Variants in LRRC4B observed in about 807,000 individuals in gnomAD.
LRRC4B encodes the protein leucine rich repeat containing 4B.
LRRC4B carries 1 observed loss-of-function variant against 7.3 expected under a neutral mutation model. The ratio of observed to expected loss-of-function variants is 0.14; its 90% CI spans 0.05 to 0.65. The LOEUF (loss-of-function observed/expected upper bound fraction) is 0.65, where lower values mean the gene tolerates loss of function less well. Ranked by LOEUF, LRRC4B falls within the 30% of genes least tolerant of loss-of-function variation. LRRC4B has a pLI of 0.84. For synonymous variants in LRRC4B, 500 were observed against 499.2 expected, an observed-to-expected ratio of 1.00 and a Z score of -0.02; for missense variants, 730 against 1,041.6, an observed-to-expected ratio of 0.70 and a Z score of 4.12.
chr19:50,562,810 G>A (rs371918883), intron 1 of LRRC4B, among the ~76,000 whole-genome samples: 9 of 148,798 alleles, frequency 6.0e-5, no homozygotes, highest in South Asian at 4.2e-4. Context: ...GCATGATCTC[G>A]GCTCACTGCA....
intron 1 of LRRC4B, among the ~76,000 whole-genome samples, chr19:50,564,375 G>A (rs984209030): frequency 6.6e-6 from 1 of 152,126 alleles, no homozygotes; most frequent in Non-Finnish European, 1.5e-5. Flanking sequence ...GGGAGCCACG[G>A]GGAAGGAGCA....
At position 50,534,393 on chromosome 19, in the gene LRRC4B, G is replaced by A. The variant is rs147365711; in HGVS notation, c.297+14149C>T. 2.1e-3 allele frequency among the ~76,000 whole-genome samples: 321 copies of A among 152,152 alleles called. 1 individual carries two copies. Among genetic ancestry groups the A allele is most frequent in the Middle Eastern group, 6.8e-3 (2 of 294 alleles). ...GGCAAGGTGGGGATTGGTTCTTGAC[G>A]CAGGTAAATCCTCCTGCCCCCTCAC... On this transcript the variant is annotated intron_variant, in intron 2 of 2. Coordinates refer to ENST00000652263, the MANE Select transcript of LRRC4B (RefSeq NM_001080457.2).
intron 1 of LRRC4B, among the ~76,000 whole-genome samples, chr19:50,551,452 AC>A (rs1414206489): frequency 1.9e-5 from 1 of 52,952 alleles, no homozygotes; most frequent in Non-Finnish European, 3.8e-5. Flanking sequence ...GTCTCCTTCC[AC>A]CCCCTCTCCC....
chr19:50,558,245 A>C (rs1982348131), intron 1 of LRRC4B, among the ~76,000 whole-genome samples: 1 of 151,976 alleles, frequency 6.6e-6, no homozygotes, highest in Non-Finnish European at 1.5e-5. Context: ...ACACATACAT[A>C]CATACACACA....
rs1231189071 is a variant in LRRC4B, at chr19:50,537,398, G to A, written c.297+11144C>T. Among the ~76,000 whole-genome samples, 4 of 152,148 alleles carry A rather than the reference G, an allele frequency of 2.6e-5. No homozygotes were observed. The highest frequency in any genetic ancestry group is 4.4e-5 in the Non-Finnish European group (3 of 68,022). On this transcript the variant is annotated intron_variant, in intron 2 of 2. Transcript: ENST00000652263. The surrounding 1 kb of genome is among the most constrained non-coding windows in gnomAD (Gnocchi z 5.5). ...CTGGGGGCCCGACTGACATTCTCCC[G>A]CCCACCCTCGCTGAGCTGTAGAAAT...
chr19:50,537,114 G>C lies in LRRC4B; in HGVS notation c.297+11428C>G, dbSNP rs991179936. On this transcript the variant is annotated intron_variant, in intron 2 of 2. Transcript: ENST00000652263. This position sits in a 1 kb window ranked among gnomAD's most constrained non-coding sequence, Gnocchi z 5.5. ...GGGACTCAGTGGCAGTTCTGAGACT[G>C]AGTCACCAGGGTGCAGCGCCAGGGA... Among the ~76,000 whole-genome samples, 3 of 152,178 alleles carry C rather than the reference G, an allele frequency of 2.0e-5. No individual in the cohort carries two copies. The highest frequency in any genetic ancestry group is 7.2e-5 in the African/African-American group (3 of 41,436).
intron 2 of LRRC4B, among the ~76,000 whole-genome samples, chr19:50,528,454 C>A (rs1980912690): frequency 6.6e-6 from 1 of 152,168 alleles, no homozygotes; most frequent in South Asian, 2.1e-4. Context: ...AAGCAATTCT[C>A]CTGCCTCAGC....
chr19:50,566,934 G>A (rs1982648266), intron 1 of LRRC4B, among the ~76,000 whole-genome samples: 1 of 151,728 alleles, frequency 6.6e-6, no homozygotes, highest in Non-Finnish European at 1.5e-5. Flanking sequence ...AAAGAGGGGC[G>A]GGGAGGGAGT....
chr19:50,559,880 T>C (rs913342292), intron 1 of LRRC4B, among the ~76,000 whole-genome samples: 3 of 152,216 alleles, frequency 2.0e-5, no homozygotes, highest in Admixed American at 1.3e-4. Flanking sequence ...ACGCCTGTAA[T>C]CCCAGCACTC....
In LRRC4B at chr19:50,564,563, G is replaced by A. The variant is rs149991501; in HGVS notation, c.-36+3381C>T. The stretch of plus-strand genomic sequence containing the variant: ...GACTGATGAATGAGTCCACAGACTA[G>A]ACGGATGGGCCAGGTCAGCAAGACA... On this transcript the variant is annotated intron_variant, in intron 1 of 2. Transcript: ENST00000652263. Among the ~76,000 whole-genome samples, 1,210 of 152,212 alleles carry A rather than the reference G, an allele frequency of 7.9e-3. 17 individuals are homozygous for A. Among genetic ancestry groups the A allele is most frequent in the African/African-American group, 0.027 (1,121 of 41,538 alleles).
intron 2 of LRRC4B, among the ~76,000 whole-genome samples, chr19:50,534,705 C>T (rs1237817351): frequency 6.6e-6 from 1 of 151,956 alleles, no homozygotes; most frequent in Non-Finnish European, 1.5e-5. Flanking sequence ...GGGGACTTTC[C>T]ACTTTGGTTG....
intron 2 of LRRC4B, among the ~76,000 whole-genome samples, chr19:50,533,403 TCTC>T (rs1247528145): frequency 6.6e-6 from 1 of 152,116 alleles, no homozygotes; most frequent in Admixed American, 6.6e-5. Context: ...ATTCTTCTCT[TCTC>T]CTCCCAAATA....
In LRRC4B at chr19:50,555,062, C is replaced by T. The variant is rs1271559244; in HGVS notation, c.-35-6189G>A. 1.3e-5 allele frequency among the ~76,000 whole-genome samples: 2 copies of T among 152,228 alleles called. No homozygotes were observed. The highest frequency in any genetic ancestry group is 2.1e-4 in the South Asian group (1 of 4,832). On this transcript the variant is annotated intron_variant, in intron 1 of 2. Transcript: ENST00000652263. The surrounding 1 kb of genome is among the most constrained non-coding windows in gnomAD (Gnocchi z 5.2). ...CGCCCGACACCCCACCACGGCTTCA[C>T]GCCCGGCTGGCAGAGGCTCCATGGA...
intron 2 of LRRC4B, among the ~76,000 whole-genome samples, chr19:50,543,040 G>A (rs1190985635): frequency 3.9e-5 from 6 of 152,174 alleles, no homozygotes; most frequent in Admixed American, 2.6e-4. Context: ...GGAGGGCGTC[G>A]CAGGGATTCG....
chr19:50,552,592 CCA>C (rs1349716408), intron 1 of LRRC4B, among the ~76,000 whole-genome samples: 27 of 44,424 alleles, frequency 6.1e-4, no homozygotes, highest in African/African-American at 3.1e-3. Context: ...ATCCATCTGT[CCA>C]TCCATCCATC....
chr19:50,518,086 G>T lies in LRRC4B; in HGVS notation c.1627C>A (p.Pro543Thr). The T allele has an allele frequency of 6.3e-7, 1 of 1,596,506 alleles. No individual in the cohort carries two copies. The change falls in exon 3 of 3, where the codon CCG (proline) becomes ACG (threonine). Residue 543 changes from proline to threonine, a missense_variant. Physicochemically the swap from Pro to Thr is conservative, Grantham distance 38 (BLOSUM62 -1). This residue lies in a region of LRRC4B where 192 missense variants were observed against 228.6 expected (regional missense o/e 0.84). Transcript: ENST00000652263. ...PASSSTTAPA[P>T]RSSRPTEKAF... is the part of the protein sequence containing the mutation. ...TTCTCCGTGGGCCGCGAGGAGCGCGGGGCGGGTGCCGTGGTAGAAGACGAG... is the reference window on the plus strand; with the variant it reads ...TTCTCCGTGGGCCGCGAGGAGCGCGTGGCGGGTGCCGTGGTAGAAGACGAG...
chr19:50,530,939 G>C (rs969362385), intron 2 of LRRC4B, among the ~76,000 whole-genome samples: 1 of 148,614 alleles, frequency 6.7e-6, no homozygotes, highest in Non-Finnish European at 1.5e-5. Flanking sequence ...GGGGGGGGGG[G>C]GTCTCTCTAT....
In LRRC4B at chr19:50,520,584, T is replaced by C. The variant is rs889021603; in HGVS notation, c.298-1169A>G. On this transcript the variant is annotated intron_variant, in intron 2 of 2. Transcript: ENST00000652263. ...GGCAGAGGTTGCAGTGAACTGAGAT[T>C]GTGTCACCACACTCCAGCCTGGGTG... 2.7e-5 allele frequency among the ~76,000 whole-genome samples: 4 copies of C among 149,650 alleles called. 1 individual carries two copies. Among genetic ancestry groups the C allele is most frequent in the African/African-American group, 4.9e-5 (2 of 40,662 alleles).
intron 2 of LRRC4B, among the ~76,000 whole-genome samples, chr19:50,530,374 A>C (rs1039034862): frequency 3.9e-5 from 6 of 151,996 alleles, no homozygotes; most frequent in Non-Finnish European, 8.8e-5. Flanking sequence ...ACTCGGATAC[A>C]CGTTAGCCAG....
Sources: gnomAD v4.1 joint callset for allele counts (sites outside exome capture counted in the v4.1 genomes callset) on GRCh38, gnomAD v4.1.1 for gene constraint, gnomAD v4.1.1 regional missense constraint, Gnocchi (gnomAD v3.1) non-coding constraint, MANE v1.5 for transcripts, NCBI Gene and HGNC (gene_info 2026-07-23, HGNC 2026-07-21) for gene names.